The following NCEH1 variants were observed in gnomAD, a reference collection of about 807,000 sequenced individuals.
NCEH1 encodes neutral cholesterol ester hydrolase 1, also known as 2-acetyl MAGE hydrolase.
A neutral mutation model predicts 25.4 loss-of-function variants in NCEH1; 9 were observed. That is an observed-to-expected ratio of 0.35 (90% CI 0.21 to 0.62). The LOEUF is 0.62. Among genes scored for constraint, NCEH1 ranks in the 20% least tolerant of loss-of-function variants. NCEH1 has a pLI of 0.72. For missense variants in NCEH1, 412 were observed against 501.1 expected (o/e 0.82, Z 1.70); for synonymous variants, 200 against 199.8 (o/e 1.00, Z -0.01).
In NCEH1 at chr3:172,643,506, T is replaced by A. The variant is rs184542655; in HGVS notation, c.437+2117A>T. The stretch of plus-strand genomic sequence containing the variant: ...GCTCATGCCTCCCATCTGGACACCA[T>A]GTTGTATAGATTAGGAACAATGCAA... On this transcript the variant is annotated intron_variant, in intron 3 of 4. Transcript: ENST00000475381. 1.8e-3 allele frequency among the ~76,000 whole-genome samples: 272 copies of A among 152,324 alleles called. 1 individual carries two copies. The highest frequency in any genetic ancestry group is 6.4e-3 in the South Asian group (31 of 4,824).
rs780425751 is a variant in NCEH1, at chr3:172,653,760, GTTTTT to G, written c.139-5651_139-5647del. ...GTTTTTTTTGTTTTTTTGTTTTTTTGTTTTTTTTTTTTTTTGAGACAGAGTCTCCC... is the reference window on the plus strand; with the variant it reads ...GTTTTTTTTGTTTTTTTGTTTTTTTGTTTTTTTTTTGAGACAGAGTCTCCC... On this transcript the variant is annotated intron_variant, in intron 1 of 4. Transcript: ENST00000475381. 9.2e-5 allele frequency among the ~76,000 whole-genome samples: 5 copies of G among 54,418 alleles called. 1 individual carries two copies. 35.7% of individuals were successfully genotyped at this position (54,418 alleles called of 152,430 possible). A position where few individuals can be genotyped will look rare whatever the true frequency, so the allele number is the denominator to read the frequency against.
At chr3:172,696,905 C>T (rs947914681) in intron 1 of NCEH1, among the ~76,000 whole-genome samples, 8 of 151,970 alleles carry the variant, frequency 5.3e-5, no homozygotes, top group Admixed American at 5.3e-4. Context: ...AACCATAGAG[C>T]CCTATTCAAT....
At chr3:172,682,799 A>G (rs1712460477) in intron 1 of NCEH1, among the ~76,000 whole-genome samples, 1 of 152,236 alleles carries the variant, frequency 6.6e-6, no homozygotes, top group Non-Finnish European at 1.5e-5. Flanking sequence ...TGGAGGAGAC[A>G]CAGAATGCAG....
intron 1 of NCEH1, among the ~76,000 whole-genome samples, chr3:172,666,682 G>C (rs756713287): frequency 2.0e-5 from 3 of 152,156 alleles, no homozygotes. Flanking sequence ...TCATCGGAGC[G>C]GTGAGTATGG....
chr3:172,670,568 G>A (rs1295170663), intron 1 of NCEH1, among the ~76,000 whole-genome samples: 2 of 152,078 alleles, frequency 1.3e-5, no homozygotes, highest in African/African-American at 4.8e-5. Flanking sequence ...AAGCAGCAAG[G>A]GACTCTTACG....
intron 1 of NCEH1, among the ~76,000 whole-genome samples, chr3:172,670,620 A>C (rs959419862): frequency 7.9e-5 from 12 of 152,206 alleles, no homozygotes; most frequent in Non-Finnish European, 1.0e-4. Context: ...CAAATGAATA[A>C]AGCTATTTTT....
intron 2 of NCEH1, among the ~76,000 whole-genome samples, chr3:172,645,952 C>T (rs902486781): frequency 1.1e-3 from 166 of 152,208 alleles, no homozygotes; most frequent in African/African-American, 1.2e-3. Context: ...TATTTCATAA[C>T]GGACTATATG....
At chr3:172,705,452 C>T (rs765335216) in intron 1 of NCEH1, among the ~76,000 whole-genome samples, 9 of 152,132 alleles carry the variant, frequency 5.9e-5, no homozygotes, top group Non-Finnish European at 1.0e-4. Context: ...GGGATTGAGG[C>T]CCTGAGTTTT....
chr3:172,674,919 T>G (rs1019245552), intron 1 of NCEH1, among the ~76,000 whole-genome samples: 1 of 152,248 alleles, frequency 6.6e-6, no homozygotes, highest in African/African-American at 2.4e-5. Flanking sequence ...GAAGTTTTAC[T>G]ATCATTACGT....
chr3:172,668,573 A>G (rs912026772), intron 1 of NCEH1, among the ~76,000 whole-genome samples: 7 of 151,902 alleles, frequency 4.6e-5, no homozygotes, highest in African/African-American at 4.8e-5. Context: ...TCCGACTGGA[A>G]TATTACCGTG....
chr3:172,660,024 G>A (rs1243891617), intron 1 of NCEH1, among the ~76,000 whole-genome samples: 1 of 150,802 alleles, frequency 6.6e-6, no homozygotes. Flanking sequence ...GGGTACATGT[G>A]CACAACGTGC....
rs1017491954 is a variant in NCEH1, at chr3:172,630,892, T to C, written c.*2583A>G. Reference sequence around the variant, plus strand: ...AATTCTTCACAAATCAATAAAACATTAATTTATACTTCACTATACAGCACT... The same window carrying C: ...AATTCTTCACAAATCAATAAAACATCAATTTATACTTCACTATACAGCACT... On this transcript the variant is annotated 3_prime_UTR_variant, in exon 5 of 5. Coordinates refer to ENST00000475381, the MANE Select transcript of NCEH1 (RefSeq NM_020792.6). 6.6e-6 allele frequency: 1 copy of C among 152,112 alleles called. No homozygotes were observed. The highest frequency in any genetic ancestry group is 2.4e-5 in the African/African-American group (1 of 41,412). The allele number at this position is 152,112 out of a possible 1,614,324, so 9.4% of individuals were successfully genotyped here.
intron 1 of NCEH1, among the ~76,000 whole-genome samples, chr3:172,692,795 T>C (rs1713144139): frequency 6.6e-6 from 1 of 152,216 alleles, no homozygotes; most frequent in Non-Finnish European, 1.5e-5. Flanking sequence ...GTGTAATAGA[T>C]CTAACAACAC....
At chr3:172,658,763 C>T (rs1717821778) in intron 1 of NCEH1, among the ~76,000 whole-genome samples, 2 of 151,936 alleles carry the variant, frequency 1.3e-5, no homozygotes, top group Non-Finnish European at 2.9e-5. Flanking sequence ...TTTTTTTCCT[C>T]CCAGAAAACC....
At chr3:172,689,319 C>G (rs560326331) in intron 1 of NCEH1, among the ~76,000 whole-genome samples, 84 of 129,002 alleles carry the variant, frequency 6.5e-4, no homozygotes, top group Non-Finnish European at 1.2e-3. Context: ...ACTGCAATGG[C>G]GTGATCTCAG....
At chr3:172,659,494 G>A (rs1033499777) in intron 1 of NCEH1, among the ~76,000 whole-genome samples, 1 of 152,138 alleles carries the variant, frequency 6.6e-6, no homozygotes, top group Non-Finnish European at 1.5e-5. Flanking sequence ...GCTTGTCAGG[G>A]CTGTGGCTGC....
At chr3:172,683,845 G>T (rs1712547097) in intron 1 of NCEH1, among the ~76,000 whole-genome samples, 1 of 152,202 alleles carries the variant, frequency 6.6e-6, no homozygotes, top group Non-Finnish European at 1.5e-5. Context: ...GTTTTGAACT[G>T]CCTGTGACCC....
chr3:172,662,956 T>C (rs1158683739), intron 1 of NCEH1, among the ~76,000 whole-genome samples: 1 of 152,230 alleles, frequency 6.6e-6, no homozygotes, highest in African/African-American at 2.4e-5. Context: ...TGTGTCTCTA[T>C]CTCCTTCAGT....
intron 1 of NCEH1, among the ~76,000 whole-genome samples, chr3:172,673,183 AC>A (rs1302046113): frequency 6.6e-6 from 1 of 152,188 alleles, no homozygotes; most frequent in Non-Finnish European, 1.5e-5. Context: ...ATTTTTCTCA[AC>A]CTTAGTTGTG....
Sources: allele counts gnomAD v4.1 joint callset (sites outside exome capture counted in the v4.1 genomes callset), GRCh38; gene constraint gnomAD v4.1.1; transcripts MANE v1.5; gene names NCBI Gene and HGNC (gene_info 2026-07-23, HGNC 2026-07-21).